MRTFA: variants seen among roughly 807,000 people sequenced by gnomAD.
MRTFA encodes myocardin-related transcription factor A.
Under a neutral mutation model 83.5 loss-of-function variants are expected in MRTFA, and 20 were observed. The observed-to-expected ratio is 0.24, with a 90% CI of 0.17 to 0.35. The LOEUF (loss-of-function observed/expected upper bound fraction) is 0.35. Among genes scored for constraint, MRTFA ranks in the 10% least tolerant of loss-of-function variants. The pLI is 1.00. For missense variants in MRTFA, 1,200 were observed against 1,224.7 expected (o/e 0.98, Z 0.30); for synonymous variants, 659 against 541.2 (o/e 1.22, Z -3.02).
At chr22:40,440,738 A>T (rs1333513498) in intron 4 of MRTFA, among the ~76,000 whole-genome samples, 1 of 152,148 alleles carries the variant, frequency 6.6e-6, no homozygotes, top group East Asian at 1.9e-4. Context: ...TAGTGAAGGG[A>T]TGTAAGAGTG....
intron 9 of MRTFA, among the ~76,000 whole-genome samples, chr22:40,421,810 G>A (rs1040409984): frequency 1.3e-5 from 2 of 152,184 alleles, no homozygotes; most frequent in South Asian, 2.1e-4. Flanking sequence ...GAGAGACCAC[G>A]GAGAGCCGAG....
chr22:40,635,717 A>C (rs981323735), intron 1 of MRTFA, among the ~76,000 whole-genome samples: 1 of 152,232 alleles, frequency 6.6e-6, no homozygotes, highest in Non-Finnish European at 1.5e-5. Flanking sequence ...CTATGGGCCA[A>C]GCACTGTGTC....
intron 3 of MRTFA, among the ~76,000 whole-genome samples, chr22:40,470,151 G>A (rs932094471): frequency 6.8e-6 from 1 of 146,532 alleles, no homozygotes; most frequent in African/African-American, 2.6e-5. Flanking sequence ...TTGAACCCTG[G>A]AGGTGGATGT....
intron 1 of MRTFA, among the ~76,000 whole-genome samples, chr22:40,624,838 T>A (rs921766417): frequency 2.0e-4 from 31 of 152,226 alleles, no homozygotes; most frequent in African/African-American, 7.2e-4. Context: ...GGTTTCCATA[T>A]ATATTGATCC....
intron 7 of MRTFA, 133 bp downstream of exon 7, chr22:40,429,473 G>T: frequency 9.4e-7 from 1 of 1,059,164 alleles, no homozygotes; most frequent in Non-Finnish European, 1.4e-6. Flanking sequence ...CTGTGCCTTG[G>T]TTCTCCCAAG....
In MRTFA at chr22:40,526,936, C is replaced by CA. The variant is rs984576167; in HGVS notation, c.241+25169dup. Among the ~76,000 whole-genome samples the CA allele has an allele frequency of 2.0e-4, 31 of 151,766 alleles. 1 individual carries two copies. Among genetic ancestry groups the CA allele is most frequent in the Admixed American group, 1.3e-3 (20 of 15,244 alleles). ...GCAACACACCAAGATCTCATTCCCA[C>CA]AAAAAATAAAAAACTTATTGGGGCA... On this transcript the variant is annotated intron_variant, in intron 3 of 14. Transcript: ENST00000355630.
intron 1 of MRTFA, among the ~76,000 whole-genome samples, chr22:40,607,115 A>G (rs2056326832): frequency 6.6e-6 from 1 of 152,132 alleles, no homozygotes; most frequent in African/African-American, 2.4e-5. Context: ...TTTGTATGAA[A>G]AACAAGTAAC....
At chr22:40,432,708 C>A (rs1368709679) in intron 5 of MRTFA, among the ~76,000 whole-genome samples, 1 of 151,954 alleles carries the variant, frequency 6.6e-6, no homozygotes, top group African/African-American at 2.4e-5. Flanking sequence ...AAAGACTTGT[C>A]CTCACCTAGC....
At chr22:40,522,482 G>C (rs2054886589) in intron 3 of MRTFA, 2 of 152,206 alleles carry the variant, frequency 1.3e-5, no homozygotes, top group African/African-American at 4.8e-5. Flanking sequence ...CCAAGATGCT[G>C]TGAGATGTGT....
At chr22:40,540,870 C>G (rs1395669540) in intron 3 of MRTFA, among the ~76,000 whole-genome samples, 2 of 151,090 alleles carry the variant, frequency 1.3e-5, no homozygotes, top group Non-Finnish European at 2.9e-5. Context: ...TGACAGCATT[C>G]ATAAATGTGT....
At chr22:40,457,104 C>A (rs113338569) in intron 4 of MRTFA, among the ~76,000 whole-genome samples, 1 of 152,174 alleles carries the variant, frequency 6.6e-6, no homozygotes, top group African/African-American at 2.4e-5. Flanking sequence ...GTGGCTCACG[C>A]CTGTAATCCC....
chr22:40,470,280 T>TATAA (rs1569283519), intron 3 of MRTFA, among the ~76,000 whole-genome samples: 1 of 106,384 alleles, frequency 9.4e-6, no homozygotes, highest in African/African-American at 3.7e-5. Flanking sequence ...TATATATATA[T>TATAA]AAAGAAACAT....
At chr22:40,516,912 A>T (rs759177784) in intron 3 of MRTFA, among the ~76,000 whole-genome samples, 12 of 151,952 alleles carry the variant, frequency 7.9e-5, no homozygotes, top group Non-Finnish European at 1.6e-4. Flanking sequence ...AGGACAACAT[A>T]ATTTTTTTCT....
intron 10 of MRTFA, 109 bp downstream of exon 10, chr22:40,420,738 A>C (rs2052816778): frequency 5.1e-5 from 79 of 1,556,478 alleles, no homozygotes; most frequent in Non-Finnish European, 6.7e-5. Context: ...TAGCATCCAG[A>C]CCAGCGGGTC....
At chr22:40,533,512 T>A (rs897117620) in intron 3 of MRTFA, 2 of 897,222 alleles carry the variant, frequency 2.2e-6, no homozygotes, top group African/African-American at 3.4e-5. Context: ...TGACCCATTT[T>A]TTTTAAAGAA....
Position 40,547,237 on chromosome 22 carries a change from G to A in MRTFA, c.241+4869C>T, listed in dbSNP as rs118015451. Among the ~76,000 whole-genome samples, 970 of 151,986 alleles carry A rather than the reference G, an allele frequency of 6.4e-3. 7 individuals are homozygous for A. Among genetic ancestry groups the A allele is most frequent in the Non-Finnish European group, 8.3e-3 (563 of 67,982 alleles). ...ATCCAGGAGTTGGGTATATGCCAGTGAACAAAATAAAGTTTCTGCCCTCAG... is the reference window on the plus strand; with the variant it reads ...ATCCAGGAGTTGGGTATATGCCAGTAAACAAAATAAAGTTTCTGCCCTCAG... On this transcript the variant is annotated intron_variant, in intron 3 of 14. Transcript: ENST00000355630.
At chr22:40,536,987 G>C (rs1602400600) in intron 3 of MRTFA, among the ~76,000 whole-genome samples, 6 of 89,116 alleles carry the variant, frequency 6.7e-5, no homozygotes, top group African/African-American at 8.9e-5. Context: ...TCTCCGCCCG[G>C]CAGCCACCCC....
intron 1 of MRTFA, among the ~76,000 whole-genome samples, chr22:40,618,479 A>G (rs1334204266): frequency 6.6e-6 from 1 of 151,986 alleles, no homozygotes; most frequent in Non-Finnish European, 1.5e-5. Context: ...GAAGGGAGAG[A>G]GTATTTCGGG....
At chr22:40,533,841 C>G (rs755586825) in intron 3 of MRTFA, 1 of 382,454 alleles carries the variant, frequency 2.6e-6, no homozygotes, top group Non-Finnish European at 4.6e-6. Flanking sequence ...TTACTGCCGA[C>G]AGGAAACCAA....
Sources: allele counts gnomAD v4.1 joint callset (sites outside exome capture counted in the v4.1 genomes callset), GRCh38; gene constraint gnomAD v4.1.1; transcripts MANE v1.5; gene names NCBI Gene and HGNC (gene_info 2026-07-23, HGNC 2026-07-21).